CDH18: variants seen among roughly 807,000 people sequenced by gnomAD.
CDH18 encodes the protein cadherin-18.
In CDH18, 31 loss-of-function variants were observed where a neutral mutation model predicts 67.9. The ratio of observed to expected loss-of-function variants is 0.46; its 90% CI spans 0.34 to 0.62. The LOEUF (loss-of-function observed/expected upper bound fraction) is 0.62. Among genes scored for constraint, CDH18 ranks in the 20% least tolerant of loss-of-function variants. CDH18 has a pLI of 0.01. For synonymous variants in CDH18, 362 were observed against 347.2 expected, an observed-to-expected ratio of 1.04 and a Z score of -0.48; for missense variants, 890 against 975.5, an observed-to-expected ratio of 0.91 and a Z score of 1.17.
chr5:19,475,533 AAC>A (rs143709369), intron 12 of CDH18, among the ~76,000 whole-genome samples: 98 of 146,576 alleles, frequency 6.7e-4, no homozygotes, highest in Admixed American at 1.2e-3. Context: ...GACCATCTGC[AAC>A]ACACACACAC....
At chr5:20,467,027 A>C (rs1188218221) in intron 1 of CDH18, among the ~76,000 whole-genome samples, 1 of 152,142 alleles carries the variant, frequency 6.6e-6, no homozygotes, top group Non-Finnish European at 1.5e-5. Context: ...GCCTGGCAAC[A>C]TTTTATAGAC....
chr5:20,351,160 T>TTGTGTG (rs375375615), intron 1 of CDH18, among the ~76,000 whole-genome samples: 3,137 of 132,108 alleles, frequency 0.024, 98 homozygotes, highest in African/African-American at 0.077. Context: ...GTAAATGTAT[T>TTGTGTG]TGTGTGTGTG....
intron 1 of CDH18, among the ~76,000 whole-genome samples, chr5:20,408,842 T>G (rs1296020219): frequency 6.6e-6 from 1 of 151,648 alleles, no homozygotes; most frequent in Non-Finnish European, 1.5e-5. Context: ...CTACAAGAGA[T>G]TCTAGATTTA....
At chr5:19,765,066 A>C (rs536495733) in intron 3 of CDH18, among the ~76,000 whole-genome samples, 1 of 152,316 alleles carries the variant, frequency 6.6e-6, no homozygotes. Context: ...TCTCCCACAT[A>C]AGCCCTGTCA....
chr5:20,134,204 C>T (rs1232932802), intron 2 of CDH18, among the ~76,000 whole-genome samples: 2 of 152,134 alleles, frequency 1.3e-5, no homozygotes, highest in Admixed American at 6.6e-5. Flanking sequence ...TTCTTGGCCT[C>T]AAGTGATCCA....
intron 2 of CDH18, among the ~76,000 whole-genome samples, chr5:19,842,444 T>C (rs112581089): frequency 7.2e-5 from 11 of 152,198 alleles, no homozygotes; most frequent in African/African-American, 2.7e-4. Flanking sequence ...CACTCTGCAC[T>C]TCTCTCTCCT....
At chr5:20,489,303 A>G (rs2126373994) in intron 1 of CDH18, among the ~76,000 whole-genome samples, 1 of 152,216 alleles carries the variant, frequency 6.6e-6, no homozygotes, top group African/African-American at 2.4e-5. Flanking sequence ...ATGATACCAG[A>G]CAATAATACT....
chr5:20,226,030 A>T (rs1036581350), intron 2 of CDH18, among the ~76,000 whole-genome samples: 2 of 152,114 alleles, frequency 1.3e-5, no homozygotes, highest in Non-Finnish European at 2.9e-5. Context: ...GCACTTCTGG[A>T]TTGAGCAAAT....
At chr5:19,757,396 T>C (rs889332474) in intron 3 of CDH18, among the ~76,000 whole-genome samples, 2 of 152,192 alleles carry the variant, frequency 1.3e-5, no homozygotes, top group African/African-American at 4.8e-5. Context: ...TCTCTGCTGC[T>C]GGCAAACTGG....
At chr5:20,369,112 A>G (rs1365586233) in intron 1 of CDH18, among the ~76,000 whole-genome samples, 1 of 151,884 alleles carries the variant, frequency 6.6e-6, no homozygotes, top group Non-Finnish European at 1.5e-5. Flanking sequence ...AGAGCTTTAG[A>G]AATCCCGGAA....
intron 2 of CDH18, among the ~76,000 whole-genome samples, chr5:20,133,949 A>G (rs115459925): frequency 6.6e-6 from 1 of 152,046 alleles, no homozygotes; most frequent in East Asian, 1.9e-4. Context: ...ATGTCTTACA[A>G]CTTTTGATAA....
At chr5:19,806,242 C>T (rs1204260095) in intron 3 of CDH18, among the ~76,000 whole-genome samples, 5 of 152,300 alleles carry the variant, frequency 3.3e-5, no homozygotes, top group Non-Finnish European at 4.4e-5. Context: ...CATCTCTCCT[C>T]GTGCACCACT....
In CDH18 at chr5:20,279,297, A is replaced by T. The variant is rs547649112; in HGVS notation, c.-579-23792T>A. ...ACTTAAAGACAAAAACTATAAAAAG[A>T]GAAAATGAAGCATATTATGTAATGA... On this transcript the variant is annotated intron_variant, in intron 1 of 14. Coordinates refer to the CDH18 transcript ENST00000507958. 3.9e-5 allele frequency among the ~76,000 whole-genome samples: 6 copies of T among 152,296 alleles called. No individual in the cohort carries two copies. The East Asian group carries it at 1.2e-3, about 29-fold the overall frequency.
chr5:20,205,270 A>T (rs1561875853), intron 2 of CDH18, among the ~76,000 whole-genome samples: 1 of 151,986 alleles, frequency 6.6e-6, no homozygotes. Flanking sequence ...GTCAAAGATT[A>T]TACCAAGAGA....
intron 2 of CDH18, among the ~76,000 whole-genome samples, chr5:20,206,852 A>C (rs1452162676): frequency 6.6e-6 from 1 of 152,020 alleles, no homozygotes; most frequent in Non-Finnish European, 1.5e-5. Flanking sequence ...TATATCTCAA[A>C]ATAATAAAGG....
intron 1 of CDH18, among the ~76,000 whole-genome samples, chr5:20,542,553 CAT>C (rs1440220679): frequency 6.6e-6 from 1 of 151,300 alleles, no homozygotes; most frequent in African/African-American, 2.4e-5. Context: ...GATATATATA[CAT>C]ATATATACAC....
intron 2 of CDH18, among the ~76,000 whole-genome samples, chr5:20,006,694 T>C (rs1736928136): frequency 6.6e-6 from 1 of 152,008 alleles, no homozygotes; most frequent in Non-Finnish European, 1.5e-5. Context: ...TTACCATTAT[T>C]ATAAAGATAT....
rs180771695 is a variant in CDH18 at position 19,932,543 on chromosome 5, A to G, written c.-257+48517T>C. Among the ~76,000 whole-genome samples, 64 of 151,608 alleles carry G rather than the reference A, an allele frequency of 4.2e-4. 1 individual carries two copies. Among genetic ancestry groups the G allele is most frequent in the African/African-American group, 1.4e-3 (58 of 41,454 alleles). On this transcript the variant is annotated intron_variant, in intron 2 of 12. Transcript: ENST00000382275. Reference sequence around the variant, plus strand: ...TCCACTAGGCCTTGTCTTAACAATAATTACAATCCGCCCCTCTCCCCACAA... The same window carrying G: ...TCCACTAGGCCTTGTCTTAACAATAGTTACAATCCGCCCCTCTCCCCACAA...
chr5:19,837,876 G>A (rs1781860174), intron 3 of CDH18, among the ~76,000 whole-genome samples: 1 of 152,152 alleles, frequency 6.6e-6, no homozygotes, highest in African/African-American at 2.4e-5. Flanking sequence ...TCTCCCATAG[G>A]TTTTGAACAA....
Sources: gnomAD v4.1 joint callset for allele counts (sites outside exome capture counted in the v4.1 genomes callset) on GRCh38, gnomAD v4.1.1 for gene constraint, MANE v1.5 for transcripts, NCBI Gene and HGNC (gene_info 2026-07-23, HGNC 2026-07-21) for gene names.